Variants in DIP2C observed in about 807,000 individuals in gnomAD.
The protein encoded by DIP2C is disco-interacting protein 2 homolog C.
In DIP2C, 33 loss-of-function variants were observed where a neutral mutation model predicts 192.4. The observed-to-expected ratio is 0.17, with a 90% confidence interval of 0.13 to 0.23. The LOEUF is 0.23. Among genes scored for constraint, DIP2C ranks in the 10% least tolerant of loss-of-function variants. The pLI, the probability that DIP2C is intolerant of heterozygous loss-of-function variation, is 1.00. For missense variants in DIP2C, 1,537 were observed against 2,110.1 expected (o/e 0.73, Z 5.32); for synonymous variants, 979 against 864.1 (o/e 1.13, Z -2.33).
Position 364,510 on chromosome 10 carries a change from C to G in DIP2C, c.2341G>C (p.Val781Leu), listed in dbSNP as rs143263010. 3.7e-6 allele frequency: 6 copies of G among 1,614,192 alleles called. No homozygotes were observed. Among genetic ancestry groups the G allele is most frequent in the South Asian group, 1.1e-5 (1 of 91,080 alleles). ...PFIRTGLLGF[V>L]GPGGLVFVVG... is the part of the protein sequence containing the mutation. ...ACGAAGACGAGGCCTCCGGGACCCA[C>G]GAACCCCAGCAAGCCTGTCCTTATG... is the stretch of plus-strand genomic sequence containing the variant. Residue 781 changes from valine (V) to leucine (L), a missense_variant, in exon 20 of 37, where the codon GTG (valine) becomes CTG (leucine). This residue lies in a region of DIP2C where 677 missense variants were observed against 989.9 expected (regional missense o/e 0.68). Coordinates refer to ENST00000280886, the MANE Select transcript of DIP2C (RefSeq NM_014974.3).
At chr10:484,715 C>A in intron 2 of DIP2C, 2 of 1,542,984 alleles carry the variant, frequency 1.3e-6, no homozygotes, top group Non-Finnish European at 1.7e-6. Context: ...GGATGGCACT[C>A]GGCGGGTGGC....
At chr10:459,319 G>A (rs1969560675) in intron 3 of DIP2C, among the ~76,000 whole-genome samples, 1 of 151,848 alleles carries the variant, frequency 6.6e-6, no homozygotes, top group Non-Finnish European at 1.5e-5. Flanking sequence ...ATCCCTGGGA[G>A]GGTCTCGAAC....
intron 4 of DIP2C, among the ~76,000 whole-genome samples, chr10:429,871 T>TAA (rs1222263470): frequency 6.6e-6 from 1 of 152,138 alleles, no homozygotes; most frequent in East Asian, 1.9e-4. Context: ...TATGTAGACG[T>TAA]AAGTTTTCAA....
At chr10:416,367 C>T (rs998479928) in intron 6 of DIP2C, among the ~76,000 whole-genome samples, 4 of 152,020 alleles carry the variant, frequency 2.6e-5, no homozygotes, top group South Asian at 2.1e-4. Context: ...AACATCGGGC[C>T]GCTGAGTCAC....
At chr10:367,409 C>T (rs568902147) in intron 18 of DIP2C, among the ~76,000 whole-genome samples, 1,582 of 148,616 alleles carry the variant, frequency 0.011, 37 homozygotes, top group African/African-American at 0.037. Context: ...AGCGAGACTC[C>T]GTCTCAGAAA....
At chr10:433,685 AAAAT>A (rs1966946750) in intron 4 of DIP2C, among the ~76,000 whole-genome samples, 1 of 152,160 alleles carries the variant, frequency 6.6e-6, no homozygotes, top group African/African-American at 2.4e-5. Flanking sequence ...CATCTCAAAA[AAAAT>A]AAAATAAATA....
rs1958370058 is a variant in DIP2C, at chr10:345,102, G to A, written c.3240C>T (p.Arg1080=). Residue 1080 remains arginine, a synonymous_variant, in exon 27 of 37, where the codon CGC becomes CGT. Coordinates refer to ENST00000280886, the MANE Select transcript of DIP2C (RefSeq NM_014974.3). The part of the protein sequence containing the change: ...PTVKMIVEVS[R]SACLMTTQLI... ...GCTGTGTCGTCATCAGACAGGCAGA[G>A]CGACTCACCTGGCATCAGAGAGCGA... 1.2e-6 allele frequency: 2 copies of A among 1,611,924 alleles called. No homozygotes were observed. The highest frequency in any genetic ancestry group is 1.7e-5 in the Admixed American group (1 of 59,926).
intron 4 of DIP2C, among the ~76,000 whole-genome samples, chr10:424,358 T>G (rs1477289712): frequency 4.8e-5 from 2 of 41,854 alleles, no homozygotes; most frequent in African/African-American, 3.1e-4. Flanking sequence ...ACCTTGGGTT[T>G]TTTTTTTTTT....
intron 4 of DIP2C, among the ~76,000 whole-genome samples, chr10:424,274 T>C (rs549180864): frequency 9.6e-4 from 127 of 132,188 alleles, no homozygotes; most frequent in African/African-American, 3.5e-3. Flanking sequence ...ACATGACTTA[T>C]GCTGTCTGGG....
At chr10:345,583 G>A (rs1958414265) in intron 26 of DIP2C, among the ~76,000 whole-genome samples, 2 of 134,914 alleles carry the variant, frequency 1.5e-5, no homozygotes, top group Admixed American at 7.5e-5. Flanking sequence ...CAGACACACT[G>A]CGCATAGTTC....
intron 31 of DIP2C, among the ~76,000 whole-genome samples, chr10:313,332 T>C (rs1444624390): frequency 1.3e-5 from 2 of 152,154 alleles, no homozygotes; most frequent in Non-Finnish European, 2.9e-5. Flanking sequence ...GATAAAGCAT[T>C]TTTGAAATTC....
rs1403823394 is a variant in DIP2C, at chr10:276,498, T to C, written c.*827A>G. The C allele has an allele frequency of 2.0e-5, 3 of 152,644 alleles. No individual in the cohort carries two copies. Among genetic ancestry groups the C allele is most frequent in the Non-Finnish European group, 4.4e-5 (3 of 68,030 alleles). The allele number at this position is 152,644 out of a possible 1,614,324, so 9.5% of individuals were successfully genotyped here. A position where few individuals can be genotyped will look rare whatever the true frequency, so the allele number is the denominator to read the frequency against. On this transcript the variant is annotated 3_prime_UTR_variant, in exon 37 of 37. Coordinates refer to ENST00000280886, the MANE Select transcript of DIP2C (RefSeq NM_014974.3). ...TTGTGATACTATCCACGCAAGATAATACAACACTTTTTTATATTAGCAAAC... is the reference window on the plus strand; with the variant it reads ...TTGTGATACTATCCACGCAAGATAACACAACACTTTTTTATATTAGCAAAC...
intron 8 of DIP2C, among the ~76,000 whole-genome samples, chr10:411,564 C>T (rs904666469): frequency 7.9e-5 from 12 of 152,156 alleles, no homozygotes; most frequent in Non-Finnish European, 1.8e-4. Flanking sequence ...TTAGAGAATA[C>T]AGCCCCTTCA....
intron 1 of DIP2C, among the ~76,000 whole-genome samples, chr10:629,261 G>A (rs1224040796): frequency 6.6e-6 from 1 of 152,132 alleles, no homozygotes; most frequent in African/African-American, 2.4e-5. Context: ...AGAGGCGGCT[G>A]TGAGGATCCC....
chr10:425,809 A>T (rs1308437723), intron 4 of DIP2C, among the ~76,000 whole-genome samples: 1 of 152,262 alleles, frequency 6.6e-6, no homozygotes, highest in African/African-American at 2.4e-5. Context: ...AGACATAGAA[A>T]AGTACTGACA....
At chr10:586,690 C>T (rs79969816) in intron 1 of DIP2C, among the ~76,000 whole-genome samples, 6,001 of 152,288 alleles carry the variant, frequency 0.039, 173 homozygotes, top group Middle Eastern at 0.071. Context: ...ATCTCAAGAG[C>T]CCCAATGACC....
chr10:595,493 A>AAATC (rs1435055478), intron 1 of DIP2C, among the ~76,000 whole-genome samples: 27 of 152,232 alleles, frequency 1.8e-4, no homozygotes, highest in African/African-American at 6.5e-4. Flanking sequence ...AACTCTTCTC[A>AAATC]CTCAGGATTT....
chr10:555,423 C>T (rs2130964689), intron 1 of DIP2C, among the ~76,000 whole-genome samples: 1 of 152,332 alleles, frequency 6.6e-6, no homozygotes, highest in Admixed American at 6.5e-5. Context: ...ACGCTGGCTA[C>T]TATGACAGAG....
At chr10:529,249 G>T (rs888385329) in intron 1 of DIP2C, among the ~76,000 whole-genome samples, 1 of 152,106 alleles carries the variant, frequency 6.6e-6, no homozygotes, top group Non-Finnish European at 1.5e-5. Context: ...TATGGACTGG[G>T]TATTCACGTA....
Sources: allele counts gnomAD v4.1 joint callset (sites outside exome capture counted in the v4.1 genomes callset), GRCh38; gene constraint gnomAD v4.1.1; regional missense constraint gnomAD v4.1.1; transcripts MANE v1.5; gene names NCBI Gene and HGNC (gene_info 2026-07-23, HGNC 2026-07-21).